The following GARNL3 variants were observed in gnomAD, a reference collection of about 807,000 sequenced individuals.
The protein encoded by GARNL3 is GTPase-activating Rap/Ran-GAP domain-like protein 3.
A neutral mutation model predicts 125.0 loss-of-function variants in GARNL3; 63 were observed. The observed-to-expected ratio is 0.50, with a 90% CI of 0.41 to 0.62. The LOEUF is 0.62. Among genes scored for constraint, GARNL3 ranks in the 20% least tolerant of loss-of-function variants. The probability of loss-of-function intolerance (pLI) is 0.00; values close to 1 mark genes in which losing one functional copy is unlikely to be tolerated. For synonymous variants in GARNL3, 439 were observed against 457.5 expected, an observed-to-expected ratio of 0.96 and a Z score of 0.52; for missense variants, 994 against 1,244.0, an observed-to-expected ratio of 0.80 and a Z score of 3.02.
At chr9:127,326,493 G>A (rs2065576657) in intron 7 of GARNL3, among the ~76,000 whole-genome samples, 1 of 152,110 alleles carries the variant, frequency 6.6e-6, no homozygotes, top group South Asian at 2.1e-4. Context: ...TTGAGAGGAT[G>A]GATACCCCGT....
At chr9:127,288,488 T>G (rs2064316471) in intron 1 of GARNL3, among the ~76,000 whole-genome samples, 1 of 152,118 alleles carries the variant, frequency 6.6e-6, no homozygotes, top group Non-Finnish European at 1.5e-5. Context: ...GTGTATAGAC[T>G]CAGTAGGAGG....
At chr9:127,268,605 G>A (rs1419149519) in intron 1 of GARNL3, among the ~76,000 whole-genome samples, 1 of 152,108 alleles carries the variant, frequency 6.6e-6, no homozygotes, top group African/African-American at 2.4e-5. Flanking sequence ...ATTTTTAAGT[G>A]TACAGTTCAA....
chr9:127,263,668 A>C (rs1335366421), upstream of GARNL3: 1 of 1,079,162 alleles, frequency 9.3e-7, no homozygotes, highest in Non-Finnish European at 1.1e-6. Context: ...TATCACTAGA[A>C]GCAAGAATGT....
chr9:127,225,748 G>T (rs1214273947), intron 1 of GARNL3, among the ~76,000 whole-genome samples: 1 of 142,534 alleles, frequency 7.0e-6, no homozygotes, highest in Admixed American at 7.0e-5. Context: ...TCCACTGGAG[G>T]CTTCCTTCCG....
chr9:127,360,444 G>C (rs10987611), intron 21 of GARNL3, among the ~76,000 whole-genome samples: 44,445 of 152,010 alleles, frequency 0.29, 7,577 homozygotes, highest in Middle Eastern at 0.45. Flanking sequence ...GCACGGTGCA[G>C]TGCACAGCTC....
At chr9:127,374,517 C>G (rs182395613) in intron 22 of GARNL3, among the ~76,000 whole-genome samples, 4 of 152,058 alleles carry the variant, frequency 2.6e-5, no homozygotes, top group African/African-American at 9.7e-5. Context: ...ATAAATTGAA[C>G]TTCATCAAAA....
chr9:127,387,007 G>T, intron 24 of GARNL3, 186 bp from the exon 25 acceptor site: 1 of 521,190 alleles, frequency 1.9e-6, no homozygotes. Context: ...CTCAGGAAAA[G>T]TGTAACTAGC....
intron 27 of GARNL3, among the ~76,000 whole-genome samples, chr9:127,391,533 A>AATATATATATATATATATAT (rs1554741684): frequency 9.3e-5 from 7 of 75,598 alleles, no homozygotes; most frequent in Admixed American, 3.8e-4. Context: ...ACAAAAAAAA[A>AATATATATATATATATATAT]ATATATATAT....
At chr9:127,340,725 G>A (rs145056209) in intron 13 of GARNL3, among the ~76,000 whole-genome samples, 1,849 of 151,478 alleles carry the variant, frequency 0.012, 47 homozygotes, top group African/African-American at 0.042. Flanking sequence ...TGAGTCCTAC[G>A]TGGACAAGTG....
At chr9:127,324,943 TA>T in intron 6 of GARNL3, 125 bp from the exon 7 acceptor site, 1 of 983,592 alleles carries the variant, frequency 1.0e-6, no homozygotes, top group Non-Finnish European at 1.5e-6. Context: ...AAAGCTCCTA[TA>T]ACCAACTTTT....
intron 22 of GARNL3, among the ~76,000 whole-genome samples, chr9:127,380,200 A>ATATGTGTG (rs71495641): frequency 7.1e-6 from 1 of 141,642 alleles, no homozygotes; most frequent in Non-Finnish European, 1.5e-5. Flanking sequence ...CTCAAAAAAT[A>ATATGTGTG]TGTGTGTGTG....
At chr9:127,332,117 T>A (rs1009843813) in intron 7 of GARNL3, among the ~76,000 whole-genome samples, 157 bp from the exon 8 acceptor site, 1 of 152,218 alleles carries the variant, frequency 6.6e-6, no homozygotes, top group African/African-American at 2.4e-5. Context: ...ATGATTGTTG[T>A]TAACATTGGT....
chr9:127,294,328 A>C (rs2064518598), intron 2 of GARNL3, among the ~76,000 whole-genome samples: 2 of 152,218 alleles, frequency 1.3e-5, no homozygotes, highest in South Asian at 4.1e-4. Context: ...CGGCCAAGAC[A>C]GAGTCTTGCT....
intron 26 of GARNL3, among the ~76,000 whole-genome samples, chr9:127,389,777 C>T (rs1832729117): frequency 6.6e-6 from 1 of 151,806 alleles, no homozygotes; most frequent in African/African-American, 2.4e-5. Context: ...AAAAATTAGC[C>T]AGCCATGGTG....
chr9:127,244,388 C>T (rs2063259794), intron 2 of GARNL3, among the ~76,000 whole-genome samples: 1 of 152,178 alleles, frequency 6.6e-6, no homozygotes, highest in African/African-American at 2.4e-5. Context: ...AAAGCAAAGG[C>T]TCACATGCAT....
intron 2 of GARNL3, among the ~76,000 whole-genome samples, chr9:127,253,218 T>G (rs896617306): frequency 1.2e-4 from 18 of 152,158 alleles, no homozygotes; most frequent in African/African-American, 4.3e-4. Flanking sequence ...CTTTAGACAC[T>G]ACCCCAATAT....
intron 7 of GARNL3, among the ~76,000 whole-genome samples, chr9:127,329,613 C>T (rs199944855): frequency 1.3e-5 from 2 of 151,814 alleles, no homozygotes; most frequent in Admixed American, 6.6e-5. Flanking sequence ...CCTATAAAAC[C>T]TTTTAAAAGC....
intron 2 of GARNL3, among the ~76,000 whole-genome samples, chr9:127,253,706 G>A (rs1469416817): frequency 6.6e-6 from 1 of 152,114 alleles, no homozygotes; most frequent in East Asian, 1.9e-4. Context: ...CAGGTGGTTG[G>A]GGGTGTGGGA....
chr9:127,340,374 A>G (rs890802302), intron 13 of GARNL3, among the ~76,000 whole-genome samples: 16 of 152,200 alleles, frequency 1.1e-4, no homozygotes, highest in Admixed American at 9.2e-4. Flanking sequence ...ACCCCTGGGA[A>G]TTATTTCTGG....
Sources: gnomAD v4.1 joint callset for allele counts (sites outside exome capture counted in the v4.1 genomes callset) on GRCh38, gnomAD v4.1.1 for gene constraint, MANE v1.5 for transcripts, NCBI Gene and HGNC (gene_info 2026-07-23, HGNC 2026-07-21) for gene names.